FCHSD2: variants seen among roughly 807,000 people sequenced by gnomAD.
FCHSD2 encodes FCH and double SH3 domains 2, also known as F-BAR and double SH3 domains protein 2.
In FCHSD2, 38 loss-of-function variants were observed where a neutral mutation model predicts 108.1. The observed-to-expected ratio is 0.35, with a 90% CI of 0.27 to 0.46. The LOEUF (loss-of-function observed/expected upper bound fraction) is 0.46. Ranked by LOEUF, FCHSD2 falls within the 20% of genes least tolerant of loss-of-function variation. FCHSD2 has a pLI of 1.00. For missense variants in FCHSD2, 751 were observed against 897.8 expected, an observed-to-expected ratio of 0.84 and a Z score of 2.09; for synonymous variants, 279 against 314.7, an observed-to-expected ratio of 0.89 and a Z score of 1.20.
At chr11:73,129,379 C>T (rs929544055) in intron 2 of FCHSD2, among the ~76,000 whole-genome samples, 1 of 152,180 alleles carries the variant, frequency 6.6e-6, no homozygotes, top group African/African-American at 2.4e-5. Flanking sequence ...GGCCAAGCTT[C>T]GTCCATACTT....
chr11:72,876,302 A>G (rs1854968996), intron 12 of FCHSD2, among the ~76,000 whole-genome samples: 1 of 152,156 alleles, frequency 6.6e-6, no homozygotes, highest in Admixed American at 6.5e-5. Context: ...CCAGCCTGCG[A>G]GACAGAGTGA....
intron 13 of FCHSD2, among the ~76,000 whole-genome samples, chr11:72,857,281 C>T (rs1239948244): frequency 6.6e-6 from 1 of 152,174 alleles, no homozygotes; most frequent in Non-Finnish European, 1.5e-5. Context: ...ACACTGTTTT[C>T]TTGACCCAGC....
At chr11:73,136,164 A>AG (rs1333111018) in intron 2 of FCHSD2, among the ~76,000 whole-genome samples, 169 of 151,278 alleles carry the variant, frequency 1.1e-3, no homozygotes, top group African/African-American at 3.9e-3. Flanking sequence ...TTGTCTCTTA[A>AG]GAAAAAAAAA....
At chr11:72,910,338 G>A (rs10793052) in intron 9 of FCHSD2, among the ~76,000 whole-genome samples, 150,724 of 152,090 alleles carry the variant, frequency 0.99, 74,684 homozygotes, top group East Asian at 1. Context: ...AAGAGACAGC[G>A]ACCATCGAGA....
chr11:72,850,814 G>A (rs2135171505), intron 13 of FCHSD2, among the ~76,000 whole-genome samples: 1 of 152,128 alleles, frequency 6.6e-6, no homozygotes, highest in South Asian at 2.1e-4. Context: ...CAGGCCAGGT[G>A]TGTGGTGGCT....
rs543897983 is a variant in FCHSD2, at chr11:73,142,105, C to T, written c.-228G>A. The T allele has an allele frequency of 5.8e-5, 23 of 395,580 alleles. No homozygotes were observed. The East Asian group carries it at 9.8e-4, about 17-fold the overall frequency. 24.5% of individuals were successfully genotyped at this position (395,580 alleles called of 1,614,324 possible). A position where few individuals can be genotyped will look rare whatever the true frequency, so the allele number is the denominator to read the frequency against. ...AGGAGCACCGGGAAGGCTTGGGGCC[C>T]GGGCGGCCCGGGCGGCCCGGGGGTG... On this transcript the variant is annotated 5_prime_UTR_variant, in exon 1 of 20. Coordinates refer to ENST00000409418, the MANE Select transcript of FCHSD2 (RefSeq NM_014824.3).
At chr11:72,948,161 C>G (rs760730442) in intron 8 of FCHSD2, among the ~76,000 whole-genome samples, 1 of 152,078 alleles carries the variant, frequency 6.6e-6, no homozygotes, top group Admixed American at 6.6e-5. Flanking sequence ...GCATGTGCCA[C>G]CAGACCTGGC....
At chr11:73,035,846 G>A (rs556977277) in intron 3 of FCHSD2, among the ~76,000 whole-genome samples, 5 of 151,560 alleles carry the variant, frequency 3.3e-5, no homozygotes, top group Admixed American at 2.6e-4. Flanking sequence ...TCAGCCTCCC[G>A]AGTAGCTGAG....
chr11:73,073,406 C>T (rs1859477850), intron 3 of FCHSD2, among the ~76,000 whole-genome samples: 1 of 152,220 alleles, frequency 6.6e-6, no homozygotes, highest in South Asian at 2.1e-4. Flanking sequence ...AAGTTCACTG[C>T]TTGAATTCCT....
chr11:72,903,328 T>C (rs1855566071), intron 9 of FCHSD2, among the ~76,000 whole-genome samples: 2 of 152,100 alleles, frequency 1.3e-5, no homozygotes, highest in Admixed American at 1.3e-4. Flanking sequence ...GCCATTCTCC[T>C]GCCTCAGCTT....
chr11:72,883,950 T>A lies in FCHSD2; in HGVS notation c.1146+3520A>T, dbSNP rs879427070. On this transcript the variant is annotated intron_variant, in intron 12 of 19. Transcript: ENST00000409418. ...GTGTCTCAAAAAAAAAAAAAAAAAA[T>A]TTTTTTTAATGAGGTCATAATAATA... Among the ~76,000 whole-genome samples the A allele has an allele frequency of 6.8e-3, 983 of 144,222 alleles. 7 individuals carry two copies. The highest frequency in any genetic ancestry group is 0.018 in the African/African-American group (688 of 39,034). 94.6% of individuals were successfully genotyped at this position (144,222 alleles called of 152,430 possible). A position where few individuals can be genotyped will look rare whatever the true frequency, so the allele number is the denominator to read the frequency against.
intron 4 of FCHSD2, among the ~76,000 whole-genome samples, chr11:73,006,151 C>T (rs1857736933): frequency 6.6e-6 from 1 of 152,002 alleles, no homozygotes; most frequent in African/African-American, 2.4e-5. Context: ...GAGCCATCCT[C>T]CTGCCTTAGC....
chr11:73,068,528 AGTT>A (rs1296156029), intron 3 of FCHSD2, among the ~76,000 whole-genome samples: 7 of 152,202 alleles, frequency 4.6e-5, no homozygotes, highest in Non-Finnish European at 1.0e-4. Flanking sequence ...AGAAAAAAAA[AGTT>A]ATTATGAAAA....
intron 3 of FCHSD2, among the ~76,000 whole-genome samples, chr11:73,051,763 G>C (rs913880913): frequency 1.3e-5 from 2 of 152,002 alleles, no homozygotes; most frequent in African/African-American, 4.8e-5. Context: ...ATAAATAGTA[G>C]TGAATTGCAA....
chr11:73,096,537 CAAAGG>C (rs1279443176), intron 2 of FCHSD2, among the ~76,000 whole-genome samples: 132 of 151,490 alleles, frequency 8.7e-4, no homozygotes, highest in African/African-American at 2.7e-3. Context: ...GGTGGCAGAG[CAAAGG>C]AAAGGAAAGG....
intron 3 of FCHSD2, among the ~76,000 whole-genome samples, chr11:73,056,703 T>C (rs1214412932): frequency 6.6e-6 from 1 of 152,060 alleles, no homozygotes; most frequent in African/African-American, 2.4e-5. Flanking sequence ...CAATAAGTCA[T>C]ATGACAGAAA....
At chr11:72,904,155 G>T (rs1370632222) in intron 9 of FCHSD2, among the ~76,000 whole-genome samples, 1 of 152,178 alleles carries the variant, frequency 6.6e-6, no homozygotes, top group Non-Finnish European at 1.5e-5. Flanking sequence ...TCAGAATATG[G>T]TCTGGGAAGG....
intron 4 of FCHSD2, among the ~76,000 whole-genome samples, chr11:73,003,520 T>C (rs1320357430): frequency 6.7e-6 from 1 of 149,570 alleles, no homozygotes; most frequent in East Asian, 2.0e-4. Flanking sequence ...GGAGTCTTGC[T>C]CTGTCGCCCA....
At chr11:73,103,665 A>G (rs1860274544) in intron 2 of FCHSD2, among the ~76,000 whole-genome samples, 1 of 152,234 alleles carries the variant, frequency 6.6e-6, no homozygotes, top group Admixed American at 6.5e-5. Flanking sequence ...TACACATAAA[A>G]TACAGATATT....
Sources: allele counts gnomAD v4.1 joint callset (sites outside exome capture counted in the v4.1 genomes callset), GRCh38; gene constraint gnomAD v4.1.1; transcripts MANE v1.5; gene names NCBI Gene and HGNC (gene_info 2026-07-23, HGNC 2026-07-21).